TMEM181: variants seen among roughly 807,000 people sequenced by gnomAD.
TMEM181 encodes the protein transmembrane protein 181.
TMEM181 carries 39 observed loss-of-function variants against 71.9 expected under a neutral mutation model. The ratio of observed to expected loss-of-function variants is 0.54; its 90% CI spans 0.42 to 0.71. The LOEUF is 0.71. Ranked by LOEUF, TMEM181 falls within the 30% of genes least tolerant of loss-of-function variation. The pLI, the probability that TMEM181 is intolerant of heterozygous loss-of-function variation, is 0.00. For synonymous variants in TMEM181, 245 were observed against 228.8 expected, an observed-to-expected ratio of 1.07 and a Z score of -0.64; for missense variants, 595 against 583.0, an observed-to-expected ratio of 1.02 and a Z score of -0.21.
intron 10 of TMEM181, chr6:158,610,840 T>C: frequency 3.0e-6 from 1 of 331,714 alleles, no homozygotes; most frequent in Admixed American, 3.6e-5. Context: ...GCTGACATAC[T>C]CACACCAAGG....
At chr6:158,588,595 G>A (rs1254568248) in intron 5 of TMEM181, among the ~76,000 whole-genome samples, 1 of 152,092 alleles carries the variant, frequency 6.6e-6, no homozygotes, top group East Asian at 1.9e-4. Flanking sequence ...GATTACAGGC[G>A]CCTGCCACCA....
chr6:158,621,458 C>T (rs1049893075), intron 10 of TMEM181: 1 of 224,336 alleles, frequency 4.5e-6, no homozygotes, highest in Admixed American at 4.3e-5. Context: ...GCCACACCAT[C>T]CTCTTCCTGG....
chr6:158,600,392 C>G (rs962273659), intron 6 of TMEM181, among the ~76,000 whole-genome samples: 1 of 150,966 alleles, frequency 6.6e-6, no homozygotes, highest in Non-Finnish European at 1.5e-5. Flanking sequence ...TCAGGCGATC[C>G]ACCCGCATCG....
intron 1 of TMEM181, among the ~76,000 whole-genome samples, chr6:158,560,801 C>T (rs921548679): frequency 1.5e-5 from 2 of 131,306 alleles, no homozygotes; most frequent in Non-Finnish European, 1.6e-5. Context: ...GTTTTACGAT[C>T]TGCTGACTTT....
intron 1 of TMEM181, among the ~76,000 whole-genome samples, chr6:158,549,548 C>T (rs1469944502): frequency 1.3e-5 from 2 of 152,182 alleles, no homozygotes; most frequent in Non-Finnish European, 2.9e-5. Flanking sequence ...ATGGTGGTGT[C>T]AGCCTAAATA....
chr6:158,631,147 G>C (rs1209724867), intron 15 of TMEM181, among the ~76,000 whole-genome samples, 176 bp from the exon 16 acceptor site: 1 of 152,228 alleles, frequency 6.6e-6, no homozygotes, highest in Non-Finnish European at 1.5e-5. Context: ...GGCCAGCCCT[G>C]TCTTGTAGAT....
chr6:158,540,650 G>T (rs1207514089), intron 1 of TMEM181, among the ~76,000 whole-genome samples: 4 of 152,168 alleles, frequency 2.6e-5, no homozygotes, highest in African/African-American at 7.2e-5. Context: ...GCGTGGTGGT[G>T]CATGCCTGTG....
chr6:158,608,008 A>ACGG (rs1785050404), intron 8 of TMEM181, among the ~76,000 whole-genome samples: 1 of 152,342 alleles, frequency 6.6e-6, no homozygotes, highest in East Asian at 1.9e-4. Context: ...GCAGTGGCAT[A>ACGG]CGGCGCTCTG....
At chr6:158,608,228 T>G in intron 8 of TMEM181, 105 bp from the exon 9 acceptor site, 1 of 760,714 alleles carries the variant, frequency 1.3e-6, no homozygotes, top group Non-Finnish European at 1.8e-6. Context: ...CGCAGAGGTA[T>G]GGGGTGCTCT....
At position 158,632,066 on chromosome 6, in the gene TMEM181, TTTA is replaced by T. The variant is rs1786697708; in HGVS notation, c.*181_*183del. On this transcript the variant is annotated 3_prime_UTR_variant, in exon 17 of 17. Coordinates refer to ENST00000684151, the MANE Select transcript of TMEM181 (RefSeq NM_001376852.1). ...GGGTAAATTTAAATGTTTAGCCAAA[TTTA>T]TTGTCATGGTGGCTACGAGAAGAGG... 1 of 621,750 alleles carries T rather than the reference TTTA, an allele frequency of 1.6e-6. No individual in the cohort carries two copies. The highest frequency in any genetic ancestry group is 1.8e-5 in the African/African-American group (1 of 54,290). 38.5% of individuals were successfully genotyped at this position (621,750 alleles called of 1,614,324 possible). A position where few individuals can be genotyped will look rare whatever the true frequency, so the allele number is the denominator to read the frequency against.
At chr6:158,619,646 C>T (rs187117113) in intron 10 of TMEM181, among the ~76,000 whole-genome samples, 234 of 151,990 alleles carry the variant, frequency 1.5e-3, no homozygotes, top group Non-Finnish European at 2.7e-3. Flanking sequence ...CAGTGCAGGC[C>T]GATCATGAGG....
upstream of TMEM181, among the ~76,000 whole-genome samples, chr6:158,558,601 C>G (rs1178165919): frequency 6.6e-5 from 10 of 152,210 alleles, no homozygotes; most frequent in Middle Eastern, 3.2e-3. Flanking sequence ...ATGACAGAAG[C>G]TCACTGGCTG....
chr6:158,611,108 A>G (rs886420058), intron 10 of TMEM181: 27 of 508,416 alleles, frequency 5.3e-5, no homozygotes, highest in Non-Finnish European at 9.1e-5. Flanking sequence ...TTGGTCCCCA[A>G]GGGGCTCCTC....
Position 158,632,935 on chromosome 6 carries a change from G to C in TMEM181, c.*1047G>C, listed in dbSNP as rs978706555. On this transcript the variant is annotated 3_prime_UTR_variant, in exon 17 of 17. Transcript: ENST00000684151. ...ATTTAGAAAGTTGGCTGGGCATGCT[G>C]GGGCATGCCCATAGTCCCAGCTACT... 1 of 152,182 alleles carries C rather than the reference G, an allele frequency of 6.6e-6. No individual in the cohort carries two copies. The highest frequency in any genetic ancestry group is 1.5e-5 in the Non-Finnish European group (1 of 68,084). 9.4% of individuals were successfully genotyped at this position (152,182 alleles called of 1,614,324 possible). A position where few individuals can be genotyped will look rare whatever the true frequency, so the allele number is the denominator to read the frequency against.
chr6:158,560,255 G>GGGCT lies in TMEM181; in HGVS notation c.8+32_8+35dup, dbSNP rs550583435. 2.3e-5 allele frequency: 23 copies of GGGCT among 984,118 alleles called. No homozygotes were observed. The South Asian group carries it at 4.7e-4, about 20-fold the overall frequency. 61.0% of individuals were successfully genotyped at this position (984,118 alleles called of 1,614,324 possible). ...GCCGTGAGTCCCCGGCCGAGCGGGCGGGCTGGCTGGCTCTCCGGACACTCC... is the reference window on the plus strand; with the variant it reads ...GCCGTGAGTCCCCGGCCGAGCGGGCGGGCTGGCTGGCTGGCTCTCCGGACACTCC... On this transcript the variant is annotated intron_variant, in intron 1 of 16. Coordinates refer to ENST00000684151, the MANE Select transcript of TMEM181 (RefSeq NM_001376852.1).
At chr6:158,562,018 G>A (rs1782208185) in intron 1 of TMEM181, among the ~76,000 whole-genome samples, 1 of 152,158 alleles carries the variant, frequency 6.6e-6, no homozygotes, top group Non-Finnish European at 1.5e-5. Context: ...AGAAAGGTGA[G>A]AAAGAAGAGA....
At chr6:158,579,407 T>C (rs1026769494) in intron 2 of TMEM181, among the ~76,000 whole-genome samples, 2 of 151,508 alleles carry the variant, frequency 1.3e-5, no homozygotes, top group Non-Finnish European at 2.9e-5. Context: ...ACACATACAA[T>C]GGAATATTTA....
chr6:158,625,342 C>A lies in TMEM181; in HGVS notation c.1057+136C>A, dbSNP rs958481607. 3.7e-5 allele frequency: 28 copies of A among 756,134 alleles called. No homozygotes were observed. In the African/African-American group the frequency reaches 4.5e-4, roughly 12 times the overall value. The allele number at this position is 756,134 out of a possible 1,614,324, so 46.8% of individuals were successfully genotyped here. ...TGGTCCATTCCCACAGGCTGGGGAC[C>A]AGGGCACGTGGTCCCTGGGAGCCAC... is the stretch of plus-strand genomic sequence containing the variant. On this transcript the variant is annotated intron_variant, in intron 12 of 16. Transcript: ENST00000684151.
At chr6:158,630,995 G>A (rs1426438758) in intron 15 of TMEM181, among the ~76,000 whole-genome samples, 1 of 152,238 alleles carries the variant, frequency 6.6e-6, no homozygotes, top group East Asian at 1.9e-4. Flanking sequence ...GCAGGGCAGA[G>A]CCACCTCTCC....
Sources: gnomAD v4.1 joint callset for allele counts (sites outside exome capture counted in the v4.1 genomes callset) on GRCh38, gnomAD v4.1.1 for gene constraint, MANE v1.5 for transcripts, NCBI Gene and HGNC (gene_info 2026-07-23, HGNC 2026-07-21) for gene names.